Variants in TENM2 observed in about 807,000 individuals in gnomAD.
TENM2 encodes teneurin transmembrane protein 2.
A neutral mutation model predicts 245.2 loss-of-function variants in TENM2; 52 were observed. The observed-to-expected ratio is 0.21, with a 90% CI of 0.17 to 0.27. The LOEUF is 0.27. TENM2 is among the 10% of genes least tolerant of loss of function. The pLI is 1.00. For missense variants in TENM2, 3,046 were observed against 3,666.8 expected (o/e 0.83, Z 4.37); for synonymous variants, 1,363 against 1,438.9 (o/e 0.95, Z 1.19).
the TENM2 span, among the ~76,000 whole-genome samples, chr5:167,052,453 A>T: frequency 6.6e-6 from 1 of 152,204 alleles, no homozygotes; most frequent in Non-Finnish European, 1.5e-5. Context: ...GGAATTTAAC[A>T]TTGTTCCACA....
intron 8 of TENM2, among the ~76,000 whole-genome samples, chr5:168,096,180 T>C (rs1793358170): frequency 1.3e-5 from 2 of 152,190 alleles, no homozygotes; most frequent in Admixed American, 1.3e-4. Context: ...GAAAAGATAG[T>C]TCAGAACTAA....
At chr5:168,152,468 C>A (rs574103722) in intron 12 of TENM2, among the ~76,000 whole-genome samples, 2 of 152,300 alleles carry the variant, frequency 1.3e-5, no homozygotes, top group South Asian at 4.1e-4. Flanking sequence ...TGCCCACAGG[C>A]CTCCTCGGTG....
At chr5:167,782,472 T>C (rs1419046413) in intron 2 of TENM2, among the ~76,000 whole-genome samples, 2 of 152,132 alleles carry the variant, frequency 1.3e-5, no homozygotes, top group African/African-American at 2.4e-5. Context: ...TTTATAAAGA[T>C]GCCCCATGTG....
At chr5:167,715,305 A>G (rs1759185123) in intron 2 of TENM2, among the ~76,000 whole-genome samples, 1 of 152,114 alleles carries the variant, frequency 6.6e-6, no homozygotes, top group Non-Finnish European at 1.5e-5. Flanking sequence ...AAATTCAAGC[A>G]GGGGAGAAAA....
the TENM2 span, among the ~76,000 whole-genome samples, chr5:167,186,397 A>T: frequency 6.6e-6 from 1 of 152,188 alleles, no homozygotes; most frequent in Admixed American, 6.5e-5. Flanking sequence ...GAGGTAAAGG[A>T]AATGATTTCT....
intron 2 of TENM2, among the ~76,000 whole-genome samples, chr5:167,790,903 G>C (rs944658331): frequency 4.6e-5 from 7 of 152,122 alleles, no homozygotes; most frequent in African/African-American, 1.7e-4. Flanking sequence ...TCTATCACTG[G>C]CAGAGTAGGC....
intron 5 of TENM2, among the ~76,000 whole-genome samples, chr5:168,035,475 C>T (rs1024973469): frequency 1.5e-5 from 2 of 137,124 alleles, no homozygotes; most frequent in Admixed American, 8.0e-5. Context: ...ACAGCCTGGG[C>T]GACAGAGGGA....
intron 2 of TENM2, among the ~76,000 whole-genome samples, chr5:167,646,144 A>G (rs1779915780): frequency 7.6e-6 from 1 of 131,920 alleles, no homozygotes; most frequent in South Asian, 2.4e-4. Flanking sequence ...TTTTATATAT[A>G]TATGTTGTTT....
the TENM2 span, among the ~76,000 whole-genome samples, chr5:167,205,408 A>G: frequency 6.6e-6 from 1 of 151,952 alleles, no homozygotes; most frequent in Non-Finnish European, 1.5e-5. Context: ...TAAAAATATA[A>G]ATAGTGTTTC....
At chr5:167,055,044 A>C in the TENM2 span, among the ~76,000 whole-genome samples, 2 of 152,056 alleles carry the variant, frequency 1.3e-5, no homozygotes, top group African/African-American at 4.8e-5. Context: ...GAGTTAGCTT[A>C]TCAATTATTT....
chr5:167,759,268 A>G (rs1175143246), intron 2 of TENM2, among the ~76,000 whole-genome samples: 4 of 151,670 alleles, frequency 2.6e-5, no homozygotes, highest in Non-Finnish European at 5.9e-5. Context: ...TATTGTGGAG[A>G]TTAAATCATA....
chr5:167,094,797 A>G, the TENM2 span, among the ~76,000 whole-genome samples: 5 of 152,314 alleles, frequency 3.3e-5, no homozygotes, highest in African/African-American at 1.2e-4. Context: ...AAAATTTGAT[A>G]AGTTAGTGGA....
the TENM2 span, among the ~76,000 whole-genome samples, chr5:167,254,392 A>C: frequency 6.6e-6 from 1 of 152,172 alleles, no homozygotes; most frequent in African/African-American, 2.4e-5. Context: ...GCTGTGCGTC[A>C]CATGGAGATG....
At position 167,386,833 on chromosome 5, in the gene TENM2, T is replaced by A. The variant is rs117988884; in HGVS notation, c.502+11360T>A. 5.0e-3 allele frequency among the ~76,000 whole-genome samples: 767 copies of A among 152,264 alleles called. 5 individuals are homozygous for A. The highest frequency in any genetic ancestry group is 0.027 in the Middle Eastern group (8 of 294). On this transcript the variant is annotated intron_variant, in intron 2 of 28. Transcript: ENST00000518659. ...GATCAGTTCCTGCAAGTATTTGGGC[T>A]TATTTCTGGCTTCCCTATTCTGTCC...
intron 5 of TENM2, among the ~76,000 whole-genome samples, chr5:168,023,881 A>C (rs1353612942): frequency 6.6e-6 from 1 of 152,164 alleles, no homozygotes; most frequent in Non-Finnish European, 1.5e-5. Context: ...GACCATTCTC[A>C]CTTTCCTCTA....
At chr5:167,536,362 T>C (rs1005286311) in intron 2 of TENM2, among the ~76,000 whole-genome samples, 7 of 152,076 alleles carry the variant, frequency 4.6e-5, no homozygotes, top group Non-Finnish European at 7.3e-5. Flanking sequence ...TTTAACTTTA[T>C]AAAGATAATG....
At chr5:168,262,426 G>A (rs759738531) in exon 29 of TENM2, 2 of 1,578,980 alleles carry the variant, frequency 1.3e-6, no homozygotes, top group East Asian at 4.7e-5. Flanking sequence ...AGAGCGGGGT[G>A]AACGTGACCG....
intron 2 of TENM2, among the ~76,000 whole-genome samples, chr5:167,550,968 A>G (rs1397747647): frequency 3.3e-5 from 5 of 152,048 alleles, no homozygotes; most frequent in African/African-American, 9.7e-5. Flanking sequence ...ACCTTAGGCA[A>G]TCCACCTGCC....
At chr5:168,236,652 T>G (rs1221099449) in intron 25 of TENM2, among the ~76,000 whole-genome samples, 1 of 152,018 alleles carries the variant, frequency 6.6e-6, no homozygotes, top group African/African-American at 2.4e-5. Context: ...TGTTGTTGGC[T>G]CACCTGTCGT....
Sources: allele counts gnomAD v4.1 joint callset (sites outside exome capture counted in the v4.1 genomes callset), GRCh38; gene constraint gnomAD v4.1.1; transcripts MANE v1.5; gene names NCBI Gene and HGNC (gene_info 2026-07-23, HGNC 2026-07-21).